The following ST18 variants were observed in gnomAD, a reference collection of about 807,000 sequenced individuals.
ST18 encodes the protein ST18 C2H2C-type zinc finger transcription factor.
Under a neutral mutation model 110.0 loss-of-function variants are expected in ST18, and 50 were observed. That is an observed-to-expected ratio of 0.45 (90% CI 0.36 to 0.58). The LOEUF is 0.58. Ranked by LOEUF, ST18 falls within the 20% of genes least tolerant of loss-of-function variation. The pLI is 0.00. For synonymous variants in ST18, 461 were observed against 452.4 expected (o/e 1.02, Z -0.24); for missense variants, 1,306 against 1,280.1 (o/e 1.02, Z -0.31).
intron 2 of ST18, among the ~76,000 whole-genome samples, chr8:52,248,036 TA>T (rs906275918): frequency 3.3e-5 from 5 of 152,086 alleles, no homozygotes; most frequent in African/African-American, 1.2e-4. Context: ...AAATAAATGT[TA>T]GGGGCACATT....
chr8:52,151,048 T>A (rs2058688507), intron 15 of ST18: 1 of 152,194 alleles, frequency 6.6e-6, no homozygotes, highest in Non-Finnish European at 1.5e-5. Flanking sequence ...ATCCATCAAT[T>A]TAAAATTAAC....
At chr8:52,146,093 G>A (rs1327188581) in intron 16 of ST18, among the ~76,000 whole-genome samples, 2 of 152,124 alleles carry the variant, frequency 1.3e-5, no homozygotes, top group Admixed American at 6.6e-5. Flanking sequence ...TTATGTGGTC[G>A]GGGGAGAGGG....
At chr8:52,347,388 G>A (rs919635501) in intron 2 of ST18, among the ~76,000 whole-genome samples, 4 of 152,122 alleles carry the variant, frequency 2.6e-5, no homozygotes, top group South Asian at 2.1e-4. Flanking sequence ...CAGCAGAGGC[G>A]CTTATACTCG....
chr8:52,290,135 C>A (rs1048526302), intron 2 of ST18, among the ~76,000 whole-genome samples: 2 of 152,174 alleles, frequency 1.3e-5, no homozygotes, highest in African/African-American at 4.8e-5. Flanking sequence ...CAGCTTTGAT[C>A]TCACACTGCC....
intron 8 of ST18, among the ~76,000 whole-genome samples, chr8:52,198,835 C>T (rs2077013290): frequency 6.6e-6 from 1 of 152,190 alleles, no homozygotes; most frequent in Admixed American, 6.5e-5. Context: ...CCACATATCA[C>T]TTTCTGTAGC....
At chr8:52,345,037 A>C (rs1817077594) in intron 2 of ST18, among the ~76,000 whole-genome samples, 1 of 152,186 alleles carries the variant, frequency 6.6e-6, no homozygotes, top group Non-Finnish European at 1.5e-5. Flanking sequence ...TGCTTGGCTG[A>C]TACGTTAGGC....
chr8:52,316,633 T>C (rs1331862987), intron 2 of ST18, among the ~76,000 whole-genome samples: 1 of 152,236 alleles, frequency 6.6e-6, no homozygotes, highest in African/African-American at 2.4e-5. Flanking sequence ...ATTTTGAATG[T>C]AGTCTCCCCA....
chr8:52,224,769 C>T (rs4074067), intron 3 of ST18, among the ~76,000 whole-genome samples: 35,813 of 152,126 alleles, frequency 0.24, 4,906 homozygotes, highest in African/African-American at 0.37. Context: ...TAACATTTTT[C>T]GCTTCCCCGA....
chr8:52,151,407 G>GT (rs1468388782), intron 15 of ST18, among the ~76,000 whole-genome samples: 1 of 152,172 alleles, frequency 6.6e-6, no homozygotes, highest in Non-Finnish European at 1.5e-5. Flanking sequence ...TGCTTTGGCC[G>GT]TATCTTTCTG....
At chr8:52,216,882 C>G (rs957607365) in intron 6 of ST18, among the ~76,000 whole-genome samples, 1 of 152,112 alleles carries the variant, frequency 6.6e-6, no homozygotes, top group African/African-American at 2.4e-5. Flanking sequence ...AAGATTTCCA[C>G]GTCAGTGTGT....
Position 52,258,350 on chromosome 8 carries a change from C to T in ST18, c.-464-28273G>A, listed in dbSNP as rs561079523. On this transcript the variant is annotated intron_variant, in intron 2 of 25. Transcript: ENST00000689386. The stretch of plus-strand genomic sequence containing the variant: ...GATTTTGATAGGGTATGTATTAAAT[C>T]TGTGCATCACTTTGGGTAGTATTGC... Among the ~76,000 whole-genome samples, 244 of 152,292 alleles carry T rather than the reference C, an allele frequency of 1.6e-3. 1 individual carries two copies. Among genetic ancestry groups the T allele is most frequent in the African/African-American group, 5.3e-3 (221 of 41,572 alleles).
intron 8 of ST18, among the ~76,000 whole-genome samples, chr8:52,193,800 C>T (rs2075331419): frequency 6.6e-6 from 1 of 152,142 alleles, no homozygotes. Context: ...AAGGATAATC[C>T]CTGAACTTCA....
intron 9 of ST18, among the ~76,000 whole-genome samples, chr8:52,178,253 G>T (rs1241484877): frequency 6.6e-6 from 1 of 152,110 alleles, no homozygotes; most frequent in Non-Finnish European, 1.5e-5. Flanking sequence ...TAGCTAGATG[G>T]ATTATACTGC....
At chr8:52,216,287 A>G (rs976937520) in intron 6 of ST18, among the ~76,000 whole-genome samples, 2 of 152,174 alleles carry the variant, frequency 1.3e-5, no homozygotes, top group East Asian at 1.9e-4. Flanking sequence ...TACTAAAGTC[A>G]TTGGAAGGGA....
At chr8:52,338,928 G>T (rs1161302656) in intron 2 of ST18, among the ~76,000 whole-genome samples, 1 of 150,858 alleles carries the variant, frequency 6.6e-6, no homozygotes, top group East Asian at 2.0e-4. Flanking sequence ...TTGTGCTGGG[G>T]GAGACAGGGT....
chr8:52,180,348 T>G, intron 8 of ST18, 36 bp from the exon 9 acceptor site: 1 of 1,607,972 alleles, frequency 6.2e-7, no homozygotes, highest in Non-Finnish European at 8.5e-7. Flanking sequence ...ATATGGTAAA[T>G]TAGCATTTAC....
chr8:52,170,280 A>T (rs1213091214), intron 10 of ST18, among the ~76,000 whole-genome samples: 1 of 152,052 alleles, frequency 6.6e-6, no homozygotes, highest in Non-Finnish European at 1.5e-5. Context: ...ACACGGGGAA[A>T]CCCCGTCTCT....
intron 2 of ST18, among the ~76,000 whole-genome samples, chr8:52,310,325 GT>G (rs2095883184): frequency 1.3e-5 from 2 of 152,272 alleles, no homozygotes; most frequent in South Asian, 4.2e-4. Flanking sequence ...TCCACAGGAA[GT>G]TTTTCTGCAC....
intron 15 of ST18, chr8:52,150,868 G>T (rs2058645340): frequency 6.6e-6 from 1 of 152,228 alleles, no homozygotes; most frequent in Non-Finnish European, 1.5e-5. Context: ...TCAAGCTCCA[G>T]CAAACTGCTC....
Sources: gnomAD v4.1 joint callset for allele counts (sites outside exome capture counted in the v4.1 genomes callset) on GRCh38, gnomAD v4.1.1 for gene constraint, MANE v1.5 for transcripts, NCBI Gene and HGNC (gene_info 2026-07-23, HGNC 2026-07-21) for gene names.